The following PRRX1 variants were observed in gnomAD, a reference collection of about 807,000 sequenced individuals.
The protein encoded by PRRX1 is paired mesoderm homeobox protein 1.
Under a neutral mutation model 24.0 loss-of-function variants are expected in PRRX1, and 8 were observed. The ratio of observed to expected loss-of-function variants is 0.33; its 90% CI spans 0.20 to 0.60. The LOEUF is 0.60. PRRX1 is among the 20% of genes least tolerant of loss of function. The pLI is 0.82. For synonymous variants in PRRX1, 160 were observed against 131.7 expected, an observed-to-expected ratio of 1.22 and a Z score of -1.47; for missense variants, 281 against 322.4, an observed-to-expected ratio of 0.87 and a Z score of 0.98.
intron 1 of PRRX1, among the ~76,000 whole-genome samples, chr1:170,676,201 G>T (rs1251377865): frequency 6.6e-6 from 1 of 152,174 alleles, no homozygotes; most frequent in East Asian, 1.9e-4. Context: ...AAGGGAAATA[G>T]AAAATAATAT....
intron 1 of PRRX1, among the ~76,000 whole-genome samples, chr1:170,679,932 T>G (rs1000256887): frequency 1.3e-5 from 2 of 152,208 alleles, no homozygotes; most frequent in African/African-American, 4.8e-5. Context: ...ATTTTGAAAT[T>G]TTGTTTACTT....
At chr1:170,678,862 C>T (rs546381364) in intron 1 of PRRX1, among the ~76,000 whole-genome samples, 1 of 152,264 alleles carries the variant, frequency 6.6e-6, no homozygotes, top group Admixed American at 6.5e-5. Flanking sequence ...CAATGTGATG[C>T]CTGGTTCACT....
At chr1:170,694,902 G>A (rs1229568106) in intron 1 of PRRX1, among the ~76,000 whole-genome samples, 1 of 152,102 alleles carries the variant, frequency 6.6e-6, no homozygotes, top group African/African-American at 2.4e-5. Context: ...GAATTAAGAG[G>A]AGGCTAAAGG....
At chr1:170,665,748 G>A (rs1405886211) in intron 1 of PRRX1, among the ~76,000 whole-genome samples, 1 of 152,272 alleles carries the variant, frequency 6.6e-6, no homozygotes, top group Non-Finnish European at 1.5e-5. Context: ...AGAGCCTCTG[G>A]TGTGCTCAAG....
chr1:170,695,050 A>G (rs1165038184), intron 1 of PRRX1, among the ~76,000 whole-genome samples: 1 of 152,144 alleles, frequency 6.6e-6, no homozygotes, highest in Non-Finnish European at 1.5e-5. Flanking sequence ...TTGCACTGGA[A>G]GAGTCTATCT....
chr1:170,684,141 G>T (rs1184897030), intron 1 of PRRX1, among the ~76,000 whole-genome samples: 1 of 152,202 alleles, frequency 6.6e-6, no homozygotes, highest in Non-Finnish European at 1.5e-5. Flanking sequence ...TGGGGTCATA[G>T]ATCCTGTTCC....
At chr1:170,685,222 TG>T (rs1233646071) in intron 1 of PRRX1, among the ~76,000 whole-genome samples, 1 of 152,166 alleles carries the variant, frequency 6.6e-6, no homozygotes, top group Non-Finnish European at 1.5e-5. Flanking sequence ...AGAAGAAAAT[TG>T]GGTCAGAGTA....
chr1:170,686,189 A>AAAAC (rs1163401122), intron 1 of PRRX1, among the ~76,000 whole-genome samples: 1 of 152,022 alleles, frequency 6.6e-6, no homozygotes, highest in African/African-American at 2.4e-5. Flanking sequence ...CAAAAAAAAA[A>AAAAC]AAAAAACAAG....
At chr1:170,686,117 T>G (rs558353946) in intron 1 of PRRX1, among the ~76,000 whole-genome samples, 1 of 115,952 alleles carries the variant, frequency 8.6e-6, no homozygotes, top group Non-Finnish European at 1.7e-5. Context: ...TAAGCTCACT[T>G]AAAAATGATT....
At chr1:170,722,871 G>A (rs1474312732) in intron 2 of PRRX1, among the ~76,000 whole-genome samples, 2 of 152,120 alleles carry the variant, frequency 1.3e-5, no homozygotes, top group African/African-American at 4.8e-5. Flanking sequence ...GGAAATATCC[G>A]GTGTGAATAT....
chr1:170,677,407 T>C (rs1039148161), intron 1 of PRRX1, among the ~76,000 whole-genome samples: 2 of 152,230 alleles, frequency 1.3e-5, no homozygotes, highest in Non-Finnish European at 2.9e-5. Context: ...AAGCATTTAT[T>C]TGAGTGCCTT....
chr1:170,692,150 G>A (rs1216363041), intron 1 of PRRX1, among the ~76,000 whole-genome samples: 1 of 151,928 alleles, frequency 6.6e-6, no homozygotes, highest in African/African-American at 2.4e-5. Context: ...TTTTTATCCT[G>A]GCAGACCAAA....
At chr1:170,720,140 T>C (rs1254921244) in intron 2 of PRRX1, among the ~76,000 whole-genome samples, 2 of 152,090 alleles carry the variant, frequency 1.3e-5, no homozygotes, top group Non-Finnish European at 2.9e-5. Flanking sequence ...CAGCCAGGCA[T>C]GATGCTGCGT....
chr1:170,721,720 C>T (rs914997794), intron 2 of PRRX1, among the ~76,000 whole-genome samples: 6 of 152,186 alleles, frequency 3.9e-5, no homozygotes, highest in African/African-American at 1.4e-4. Flanking sequence ...CTCTCCCATT[C>T]GCCATCCAGT....
chr1:170,666,572 C>T (rs1451170582), intron 1 of PRRX1, among the ~76,000 whole-genome samples: 1 of 152,070 alleles, frequency 6.6e-6, no homozygotes, highest in African/African-American at 2.4e-5. Context: ...GGACCCACAA[C>T]AGAAAACAGG....
At chr1:170,728,564 TATC>T in intron 3 of PRRX1, 1 of 152,244 alleles carries the variant, frequency 6.6e-6, no homozygotes, top group Non-Finnish European at 1.5e-5. Context: ...TATGCTTTTA[TATC>T]ATTTCTCTCT....
chr1:170,664,843 G>A (rs538635139), intron 1 of PRRX1, among the ~76,000 whole-genome samples: 2 of 152,236 alleles, frequency 1.3e-5, no homozygotes, highest in Non-Finnish European at 2.9e-5. Context: ...GAGAGCCAGC[G>A]CTGTTTGGGA....
At chr1:170,696,100 T>A (rs1654158085) in intron 1 of PRRX1, among the ~76,000 whole-genome samples, 1 of 152,164 alleles carries the variant, frequency 6.6e-6, no homozygotes, top group Non-Finnish European at 1.5e-5. Context: ...GCCTCACACC[T>A]GCACTGGTCA....
intron 1 of PRRX1, among the ~76,000 whole-genome samples, chr1:170,666,842 G>A (rs1347549016): frequency 1.3e-5 from 2 of 152,098 alleles, no homozygotes; most frequent in African/African-American, 4.8e-5. Flanking sequence ...GAGTGGGTAT[G>A]GAGCCGGGCT....
Sources: allele counts gnomAD v4.1 joint callset (sites outside exome capture counted in the v4.1 genomes callset), GRCh38; gene constraint gnomAD v4.1.1; transcripts MANE v1.5; gene names NCBI Gene and HGNC (gene_info 2026-07-23, HGNC 2026-07-21).